Variants in ZNF618 observed in about 807,000 individuals in gnomAD.
ZNF618 encodes neural precursor cell expressed, developmentally down-regulated 10.
In ZNF618, 34 loss-of-function variants were observed where a neutral mutation model predicts 103.0. The observed-to-expected ratio is 0.33, with a 90% confidence interval of 0.25 to 0.44. ZNF618 has a LOEUF of 0.44. ZNF618 is among the 20% of genes least tolerant of loss of function. The probability of loss-of-function intolerance (pLI) is 1.00; values close to 1 mark genes in which losing one functional copy is unlikely to be tolerated. For missense variants in ZNF618, 1,059 were observed against 1,295.4 expected (o/e 0.82, Z 2.80); for synonymous variants, 551 against 542.2 (o/e 1.02, Z -0.23).
At chr9:113,936,746 GT>G (rs1834059221) in intron 1 of ZNF618, among the ~76,000 whole-genome samples, 1 of 152,092 alleles carries the variant, frequency 6.6e-6, no homozygotes, top group African/African-American at 2.4e-5. Flanking sequence ...TTTACTTTCT[GT>G]TTTTTGAAGA....
chr9:113,960,259 GCT>G (rs1836722599), intron 1 of ZNF618, among the ~76,000 whole-genome samples: 1 of 152,176 alleles, frequency 6.6e-6, no homozygotes, highest in African/African-American at 2.4e-5. Flanking sequence ...GGGACAGTGG[GCT>G]CTCTGTGCTG....
chr9:113,891,329 G>A (rs1366477210), intron 1 of ZNF618, among the ~76,000 whole-genome samples: 3 of 152,170 alleles, frequency 2.0e-5, no homozygotes, highest in Non-Finnish European at 4.4e-5. Context: ...ATTAAAAAAT[G>A]GGCGAAGAAG....
At chr9:114,002,100 C>G in intron 5 of ZNF618, 27 bp downstream of exon 5, 1 of 1,603,726 alleles carries the variant, frequency 6.2e-7, no homozygotes, top group Non-Finnish European at 8.5e-7. Context: ...TGGGGCAGAG[C>G]CCAGGGGCCG....
chr9:113,878,655 CA>C (rs1246949087), intron 1 of ZNF618, among the ~76,000 whole-genome samples: 1 of 152,052 alleles, frequency 6.6e-6, no homozygotes, highest in Non-Finnish European at 1.5e-5. Flanking sequence ...TTTTTCTGTC[CA>C]AAAACAGCAT....
Position 113,934,103 on chromosome 9 carries a change from A to G in ZNF618, c.34-35014A>G, listed in dbSNP as rs112232509. On this transcript the variant is annotated intron_variant, in intron 1 of 14. Coordinates refer to ENST00000374126, the MANE Select transcript of ZNF618 (RefSeq NM_001318042.2). ...ATTGATCAGAGTCAGATGAGTTGTT[A>G]GTATAGCCAAAATTGAAGACAGAAG... 2.9e-3 allele frequency among the ~76,000 whole-genome samples: 447 copies of G among 152,290 alleles called. 2 individuals carry two copies. Among genetic ancestry groups the G allele is most frequent in the African/African-American group, 0.011 (437 of 41,548 alleles).
intron 13 of ZNF618, among the ~76,000 whole-genome samples, chr9:114,041,977 C>T (rs879299244): frequency 3.3e-5 from 5 of 152,138 alleles, no homozygotes; most frequent in Non-Finnish European, 7.3e-5. Context: ...AATGTTCTTC[C>T]ATTTGTTTGT....
At position 114,028,576 on chromosome 9, in the gene ZNF618, C is replaced by G. The variant is rs139142149; in HGVS notation, c.845-157C>G. The stretch of plus-strand genomic sequence containing the variant: ...AAGGTTCCAGACTCCTGGACTTTCT[C>G]TGGCTCTGAGTTAAGTGAGAATCCT... On this transcript the variant is annotated intron_variant, in intron 10 of 14. Transcript: ENST00000374126. 2,022 of 1,163,730 alleles carry G rather than the reference C, an allele frequency of 1.7e-3. 31 individuals carry two copies. The African/African-American group carries it at 0.028, about 16-fold the overall frequency. 72.1% of individuals were successfully genotyped at this position (1,163,730 alleles called of 1,614,324 possible).
At chr9:113,974,376 C>T (rs1838289891) in intron 2 of ZNF618, among the ~76,000 whole-genome samples, 2 of 152,190 alleles carry the variant, frequency 1.3e-5, no homozygotes, top group African/African-American at 4.8e-5. Context: ...GGTGTGGCCA[C>T]GGAGGCCCTT....
chr9:113,910,994 C>G (rs963417195), intron 1 of ZNF618, among the ~76,000 whole-genome samples: 1 of 152,022 alleles, frequency 6.6e-6, no homozygotes, highest in African/African-American at 2.4e-5. Context: ...CTATGCCTGG[C>G]TAATTTTTTT....
At chr9:113,959,715 C>G (rs1221910929) in intron 1 of ZNF618, among the ~76,000 whole-genome samples, 2 of 152,254 alleles carry the variant, frequency 1.3e-5, no homozygotes, top group Non-Finnish European at 2.9e-5. Context: ...TCAAGCGATT[C>G]TCCTGCCTCA....
rs1835718388 is a variant in ZNF618, at chr9:113,951,519, A to ACACATATGTGTGTATG, written c.34-17598_34-17597insCACATATGTGTGTATG. On this transcript the variant is annotated intron_variant, in intron 1 of 14. Coordinates refer to ENST00000374126, the MANE Select transcript of ZNF618 (RefSeq NM_001318042.2). Reference sequence around the variant, plus strand: ...TATGTGTACACATATATGTGTGTATATGTACACATATGTGTGTACATATGT... The same window carrying ACACATATGTGTGTATG: ...TATGTGTACACATATATGTGTGTATACACATATGTGTGTATGTGTACACATATGTGTGTACATATGT... 4.8e-5 allele frequency among the ~76,000 whole-genome samples: 3 copies of ACACATATGTGTGTATG among 62,616 alleles called. 1 individual carries two copies. Among genetic ancestry groups the ACACATATGTGTGTATG allele is most frequent in the African/African-American group, 1.7e-4 (3 of 18,168 alleles). The allele number at this position is 62,616 out of a possible 152,430, so 41.1% of individuals were successfully genotyped here. A position where few individuals can be genotyped will look rare whatever the true frequency, so the allele number is the denominator to read the frequency against.
At chr9:113,883,827 T>TCC (rs1164422769) in intron 1 of ZNF618, among the ~76,000 whole-genome samples, 3 of 152,094 alleles carry the variant, frequency 2.0e-5, no homozygotes, top group Non-Finnish European at 2.9e-5. Flanking sequence ...GAACTTTTTC[T>TCC]CCCTCTTATT....
intron 2 of ZNF618, 126 bp downstream of exon 2, chr9:113,969,286 G>A: frequency 8.5e-7 from 1 of 1,174,996 alleles, no homozygotes; most frequent in Non-Finnish European, 1.3e-6. Context: ...GCCCTCCTTG[G>A]CAAGAAGTAT....
intron 12 of ZNF618, among the ~76,000 whole-genome samples, chr9:114,034,748 GC>G (rs1330279546): frequency 6.6e-6 from 1 of 152,204 alleles, no homozygotes; most frequent in Non-Finnish European, 1.5e-5. Flanking sequence ...AGAGATGCCA[GC>G]CAGCAGGAGC....
At chr9:113,904,157 TTTC>T (rs1830783045) in intron 1 of ZNF618, among the ~76,000 whole-genome samples, 1 of 151,510 alleles carries the variant, frequency 6.6e-6, no homozygotes, top group South Asian at 2.1e-4. Context: ...TCATCAATCT[TTTC>T]TTCTTTAATA....
At chr9:113,889,301 C>G (rs1235665766) in intron 1 of ZNF618, among the ~76,000 whole-genome samples, 1 of 150,446 alleles carries the variant, frequency 6.6e-6, no homozygotes, top group African/African-American at 2.5e-5. Flanking sequence ...CTCCTTGGCC[C>G]TGTCTCCCCG....
chr9:113,948,482 G>T (rs1835259135), intron 1 of ZNF618, among the ~76,000 whole-genome samples: 1 of 152,226 alleles, frequency 6.6e-6, no homozygotes, highest in Admixed American at 6.5e-5. Context: ...CTTTGCAGTT[G>T]TTGCATCAGA....
intron 9 of ZNF618, 109 bp from the exon 10 acceptor site, chr9:114,016,586 G>A: frequency 1.3e-6 from 1 of 765,404 alleles, no homozygotes; most frequent in South Asian, 1.7e-5. Context: ...ATTGATTCTA[G>A]TTGATGGTCC....
At chr9:113,969,033 C>T (rs1837697395) in intron 1 of ZNF618, 84 bp from the exon 2 acceptor site, 6 of 1,484,504 alleles carry the variant, frequency 4.0e-6, no homozygotes, top group Non-Finnish European at 3.8e-6. Flanking sequence ...GGCTGGTATT[C>T]AGTGGGAGCT....
Sources: allele counts gnomAD v4.1 joint callset (sites outside exome capture counted in the v4.1 genomes callset), GRCh38; gene constraint gnomAD v4.1.1; transcripts MANE v1.5; gene names NCBI Gene and HGNC (gene_info 2026-07-23, HGNC 2026-07-21).